Variants in SLC4A10 observed in about 807,000 individuals in gnomAD.
SLC4A10 encodes sodium-driven chloride bicarbonate exchanger.
Under a neutral mutation model 137.7 loss-of-function variants are expected in SLC4A10, and 42 were observed. The ratio of observed to expected loss-of-function variants is 0.30; its 90% CI spans 0.24 to 0.39. The LOEUF (loss-of-function observed/expected upper bound fraction) is 0.39, where lower values mean the gene tolerates loss of function less well. SLC4A10 is among the 10% of genes least tolerant of loss of function. The pLI is 1.00. For synonymous variants in SLC4A10, 474 were observed against 464.1 expected (o/e 1.02, Z -0.27); for missense variants, 925 against 1,355.0 (o/e 0.68, Z 4.98).
chr2:161,639,237 G>A lies in SLC4A10; in HGVS notation c.48+14671G>A, dbSNP rs2034929326. Reference sequence around the variant, plus strand: ...ATGCCATTCTTCTCAAACTATTCCAGAAATTGAAGTGAGGGGAAATTTTTC... The same window carrying A: ...ATGCCATTCTTCTCAAACTATTCCAAAAATTGAAGTGAGGGGAAATTTTTC... On this transcript the variant is annotated intron_variant, in intron 1 of 26. Coordinates refer to ENST00000446997, the MANE Select transcript of SLC4A10 (RefSeq NM_001178015.2). Among the ~76,000 whole-genome samples, 4 of 151,980 alleles carry A rather than the reference G, an allele frequency of 2.6e-5. No homozygotes were observed. In the South Asian group the frequency reaches 8.3e-4, roughly 32 times the overall value.
chr2:161,682,098 T>C (rs1046551440), intron 1 of SLC4A10, among the ~76,000 whole-genome samples: 2 of 152,132 alleles, frequency 1.3e-5, no homozygotes, highest in Non-Finnish European at 2.9e-5. Context: ...AATATGGCAG[T>C]CCCAAAATGT....
chr2:161,790,464 T>A (rs1322142195), intron 2 of SLC4A10, among the ~76,000 whole-genome samples: 1 of 152,198 alleles, frequency 6.6e-6, no homozygotes, highest in African/African-American at 2.4e-5. Context: ...GTAGTGTTGA[T>A]ATAGGATCAA....
chr2:161,639,404 A>C (rs1037743709), intron 1 of SLC4A10, among the ~76,000 whole-genome samples: 2 of 152,166 alleles, frequency 1.3e-5, no homozygotes. Context: ...TGAACCCAGC[A>C]CATCAGAAAG....
chr2:161,957,229 A>G lies in SLC4A10; in HGVS notation c.2782A>G (p.Ser928Gly). The change falls in exon 20 of 27, where the codon AGT (serine) becomes GGT (glycine). Residue 928 changes from serine (S) to glycine (G), a missense_variant. Coordinates refer to ENST00000446997, the MANE Select transcript of SLC4A10 (RefSeq NM_001178015.2). ...TATGGGTTCATCAGTCTTTATGACCAGTATTCTGAAGGTAACAAAATCTGT... is the reference window on the plus strand; with the variant it reads ...TATGGGTTCATCAGTCTTTATGACCGGTATTCTGAAGGTAACAAAATCTGT... Reference protein sequence around the residue: ...ILMGSSVFMTSILKFIPMPVL... With the variant: ...ILMGSSVFMTGILKFIPMPVL... The G allele has an allele frequency of 1.2e-6, 2 of 1,612,580 alleles. No individual in the cohort carries two copies. The highest frequency in any genetic ancestry group is 1.1e-5 in the South Asian group (1 of 90,914).
At chr2:161,923,834 AAG>A (rs1688581414) in intron 15 of SLC4A10, among the ~76,000 whole-genome samples, 1 of 152,160 alleles carries the variant, frequency 6.6e-6, no homozygotes, top group African/African-American at 2.4e-5. Context: ...TAATAAAAAA[AAG>A]AAAAAAAAAT....
At chr2:161,868,509 A>G (rs1288800637) in intron 6 of SLC4A10, among the ~76,000 whole-genome samples, 7 of 151,686 alleles carry the variant, frequency 4.6e-5, no homozygotes, top group Non-Finnish European at 1.0e-4. Context: ...ATGGTCTATA[A>G]TAACTTTTTA....
intron 20 of SLC4A10, 58 bp from the exon 21 acceptor site, chr2:161,958,429 C>A: frequency 2.0e-6 from 3 of 1,465,946 alleles, no homozygotes; most frequent in African/African-American, 1.4e-5. Context: ...TTGATAAATG[C>A]AAAACCACAA....
chr2:161,768,055 C>T (rs1200002336), intron 1 of SLC4A10, among the ~76,000 whole-genome samples: 1 of 152,018 alleles, frequency 6.6e-6, no homozygotes, highest in Admixed American at 6.6e-5. Context: ...GCATCTTAGT[C>T]TCTTCTATAT....
intron 1 of SLC4A10, among the ~76,000 whole-genome samples, chr2:161,767,459 C>T (rs2051033943): frequency 6.6e-6 from 1 of 151,434 alleles, no homozygotes; most frequent in Non-Finnish European, 1.5e-5. Context: ...TATCTAACTC[C>T]CTGAACTCCT....
chr2:161,928,349 A>G (rs1404070835), intron 15 of SLC4A10, among the ~76,000 whole-genome samples: 5 of 124,542 alleles, frequency 4.0e-5, no homozygotes, highest in Non-Finnish European at 6.4e-5. Flanking sequence ...AGGAAGGGGA[A>G]CATCACACTC....
chr2:161,854,976 G>A lies in SLC4A10; in HGVS notation c.423G>A (p.Leu141=). The A allele has an allele frequency of 6.2e-7, 1 of 1,612,246 alleles. No homozygotes were observed. Among genetic ancestry groups the A allele is most frequent in the African/African-American group, 1.3e-5 (1 of 74,982 alleles). Residue 141 remains leucine (L), a synonymous_variant, in exon 5 of 27, where the codon TTG becomes TTA. Transcript: ENST00000446997. ...DAEWRETARW[L]KFEEDVEDGG... Reference sequence around the variant, plus strand: ...ATAATATTTGTTTGTATAGGTGGTTGAAGTTTGAAGAAGATGTGGAAGATG... The same window carrying A: ...ATAATATTTGTTTGTATAGGTGGTTAAAGTTTGAAGAAGATGTGGAAGATG...
chr2:161,814,493 C>A (rs2056863074), intron 3 of SLC4A10, among the ~76,000 whole-genome samples: 1 of 152,054 alleles, frequency 6.6e-6, no homozygotes, highest in African/African-American at 2.4e-5. Flanking sequence ...AATCACAGTG[C>A]TATTCACCAT....
intron 26 of SLC4A10, among the ~76,000 whole-genome samples, chr2:161,980,820 C>T (rs1217448399): frequency 6.6e-6 from 1 of 152,226 alleles, no homozygotes; most frequent in African/African-American, 2.4e-5. Flanking sequence ...ACTCCTAGGT[C>T]ATTATGGAGT....
intron 1 of SLC4A10, among the ~76,000 whole-genome samples, chr2:161,728,243 T>C (rs931613304): frequency 6.6e-6 from 1 of 152,204 alleles, no homozygotes; most frequent in African/African-American, 2.4e-5. Flanking sequence ...TATTCAGTCC[T>C]AAACTGAATT....
At chr2:161,656,847 G>A (rs959043048) in intron 1 of SLC4A10, among the ~76,000 whole-genome samples, 12 of 151,938 alleles carry the variant, frequency 7.9e-5, no homozygotes, top group South Asian at 2.1e-4. Flanking sequence ...TGTTAATATC[G>A]GTGTTTATTT....
chr2:161,845,858 CAT>C (rs2059460075), intron 4 of SLC4A10, among the ~76,000 whole-genome samples: 1 of 151,936 alleles, frequency 6.6e-6, no homozygotes, highest in African/African-American at 2.4e-5. Flanking sequence ...AAATTTGAAA[CAT>C]AAAGCCATGA....
chr2:161,978,734 T>C (rs563036434), intron 26 of SLC4A10, among the ~76,000 whole-genome samples: 4 of 152,328 alleles, frequency 2.6e-5, no homozygotes, highest in African/African-American at 9.6e-5. Flanking sequence ...CAACCACCTT[T>C]AATATTTACT....
chr2:161,839,345 G>A (rs2059027305), intron 3 of SLC4A10, among the ~76,000 whole-genome samples: 1 of 152,124 alleles, frequency 6.6e-6, no homozygotes, highest in African/African-American at 2.4e-5. Context: ...GATCACAAGG[G>A]AGTTTTTTTG....
At chr2:161,756,283 A>G (rs1482625480) in intron 1 of SLC4A10, among the ~76,000 whole-genome samples, 1 of 152,326 alleles carries the variant, frequency 6.6e-6, no homozygotes, top group Middle Eastern at 3.4e-3. Context: ...GAGAAATTAC[A>G]TACAAATCTA....
Sources: allele counts gnomAD v4.1 joint callset (sites outside exome capture counted in the v4.1 genomes callset), GRCh38; gene constraint gnomAD v4.1.1; transcripts MANE v1.5; gene names NCBI Gene and HGNC (gene_info 2026-07-23, HGNC 2026-07-21).